PCSK2: variants seen among roughly 807,000 people sequenced by gnomAD.
The protein encoded by PCSK2 is proprotein convertase subtilisin/kexin type 2, also known as neuroendocrine convertase 2.
Under a neutral mutation model 69.7 loss-of-function variants are expected in PCSK2, and 14 were observed. That is an observed-to-expected ratio of 0.20 (90% CI 0.13 to 0.31). PCSK2 has a LOEUF of 0.31. PCSK2 is among the 10% of genes least tolerant of loss of function. PCSK2 has a pLI of 1.00. For missense variants in PCSK2, 544 were observed against 842.5 expected, an observed-to-expected ratio of 0.65 and a Z score of 4.39; for synonymous variants, 307 against 320.7, an observed-to-expected ratio of 0.96 and a Z score of 0.46.
intron 2 of PCSK2, among the ~76,000 whole-genome samples, chr20:17,276,424 T>C (rs1296638026): frequency 6.7e-6 from 1 of 149,032 alleles, no homozygotes; most frequent in East Asian, 2.0e-4. Context: ...CTATGGAAGA[T>C]GAGATTTAAC....
chr20:17,336,227 C>T (rs541779783), intron 2 of PCSK2, among the ~76,000 whole-genome samples: 4 of 152,150 alleles, frequency 2.6e-5, no homozygotes, highest in Admixed American at 6.5e-5. Flanking sequence ...AGCAGGGAAA[C>T]AGGTTGCTGC....
Position 17,244,205 on chromosome 20 carries a change from A to G in PCSK2, c.178-16035A>G, listed in dbSNP as rs190355264. ...TTAACAATTGGGGACTCTGGGTGAC[A>G]TGGCTATATGAGTTATTTTCACTAT... On this transcript the variant is annotated intron_variant, in intron 1 of 11. Coordinates refer to ENST00000262545, the MANE Select transcript of PCSK2 (RefSeq NM_002594.5). 2.6e-5 allele frequency among the ~76,000 whole-genome samples: 4 copies of G among 152,356 alleles called. No individual in the cohort carries two copies. The East Asian group carries it at 7.7e-4, about 29-fold the overall frequency.
intron 4 of PCSK2, among the ~76,000 whole-genome samples, chr20:17,364,891 T>C (rs928072407): frequency 3.9e-5 from 6 of 152,172 alleles, no homozygotes; most frequent in African/African-American, 1.2e-4. Flanking sequence ...TGGTTGTTGC[T>C]GGTTGCCACT....
chr20:17,471,979 G>A (rs886638206), intron 11 of PCSK2, among the ~76,000 whole-genome samples: 5 of 152,246 alleles, frequency 3.3e-5, no homozygotes, highest in African/African-American at 1.2e-4. Context: ...AATCTTCCCG[G>A]AGATGGAGTC....
chr20:17,458,869 A>C lies in PCSK2; in HGVS notation c.1202+2421A>C, dbSNP rs533173656. On this transcript the variant is annotated intron_variant, in intron 10 of 11. Transcript: ENST00000262545. The stretch of plus-strand genomic sequence containing the variant: ...ATTGCTCCCATCTCCCAGTATCACC[A>C]ATATCAGAGAAATTTCAAAGAATTT... Among the ~76,000 whole-genome samples the C allele has an allele frequency of 9.9e-5, 15 of 152,226 alleles. No homozygotes were observed. In the South Asian group the frequency reaches 3.1e-3, roughly 32 times the overall value.
chr20:17,371,134 A>C (rs1279628826), intron 5 of PCSK2, among the ~76,000 whole-genome samples: 1 of 152,166 alleles, frequency 6.6e-6, no homozygotes, highest in African/African-American at 2.4e-5. Context: ...GGTGGTACCC[A>C]TTGGGCTGGA....
At chr20:17,442,023 A>C (rs1021502981) in intron 8 of PCSK2, among the ~76,000 whole-genome samples, 1 of 151,378 alleles carries the variant, frequency 6.6e-6, no homozygotes, top group African/African-American at 2.4e-5. Flanking sequence ...AAGACAAAAA[A>C]AAAAAAAAAG....
chr20:17,311,210 T>G (rs1047386828), intron 2 of PCSK2, among the ~76,000 whole-genome samples: 1 of 152,042 alleles, frequency 6.6e-6, no homozygotes, highest in Non-Finnish European at 1.5e-5. Flanking sequence ...TAAGAAAAAA[T>G]GTTAGTTTCT....
intron 11 of PCSK2, among the ~76,000 whole-genome samples, chr20:17,472,781 G>T (rs1183803705): frequency 6.6e-6 from 1 of 152,116 alleles, no homozygotes; most frequent in Non-Finnish European, 1.5e-5. Flanking sequence ...TGGCCAGGCT[G>T]GTGTCGAGCT....
intron 2 of PCSK2, among the ~76,000 whole-genome samples, chr20:17,311,090 T>A (rs1240285606): frequency 6.6e-6 from 1 of 151,686 alleles, no homozygotes; most frequent in East Asian, 1.9e-4. Context: ...ATTAGAAAGA[T>A]CAACAACTAG....
At chr20:17,348,883 G>A (rs867533115) in intron 2 of PCSK2, among the ~76,000 whole-genome samples, 1 of 152,170 alleles carries the variant, frequency 6.6e-6, no homozygotes, top group Non-Finnish European at 1.5e-5. Flanking sequence ...GGTACTGGGG[G>A]TAAGGACTTC....
rs141883903 is a variant in PCSK2, at chr20:17,369,168, T to C, written c.506-72T>C. 5.9e-4 allele frequency: 827 copies of C among 1,390,232 alleles called. 7 individuals carry two copies. In the African/African-American group the frequency reaches 0.01, roughly 17 times the overall value. 86.1% of individuals were successfully genotyped at this position (1,390,232 alleles called of 1,614,324 possible). A position where few individuals can be genotyped will look rare whatever the true frequency, so the allele number is the denominator to read the frequency against. On this transcript the variant is annotated intron_variant, in intron 4 of 11. Transcript: ENST00000262545. The stretch of plus-strand genomic sequence containing the variant: ...CAGCCCCATAAAGAGGGCACTTTCT[T>C]GGGCAGCTTTCCTGAGGACACAGTG...
intron 10 of PCSK2, among the ~76,000 whole-genome samples, chr20:17,458,023 A>G (rs1245332499): frequency 6.6e-6 from 1 of 152,192 alleles, no homozygotes; most frequent in African/African-American, 2.4e-5. Context: ...CTTTTAGCAC[A>G]TACGTCCAGA....
intron 5 of PCSK2, among the ~76,000 whole-genome samples, chr20:17,377,660 A>G (rs2030965857): frequency 6.6e-6 from 1 of 152,254 alleles, no homozygotes; most frequent in Non-Finnish European, 1.5e-5. Context: ...GGCATTTTCA[A>G]TGTGCTCTTG....
rs2033084119 is a variant in PCSK2 at position 17,465,458 on chromosome 20, G to A, written c.1335G>A (p.Gly445=). The A allele has an allele frequency of 6.2e-7, 1 of 1,614,076 alleles. No homozygotes were observed. ...AATTTAATCACCTCTTTGGCTACGG[G>A]GTCCTTGATGCAGGTGCCATGGTGA... The part of the protein sequence containing the change: ...GLEFNHLFGY[G]VLDAGAMVKM... The change falls in exon 11 of 12, where the codon GGG becomes GGA. Residue 445 remains glycine (G), a synonymous_variant. Transcript: ENST00000262545.
intron 5 of PCSK2, among the ~76,000 whole-genome samples, chr20:17,402,354 G>T (rs898437706): frequency 2.6e-5 from 4 of 152,216 alleles, no homozygotes; most frequent in African/African-American, 9.6e-5. Flanking sequence ...GAGGGCCAAA[G>T]GATGGAGCTG....
chr20:17,479,070 A>G, intron 11 of PCSK2: 1 of 1,266,270 alleles, frequency 7.9e-7, no homozygotes, highest in Non-Finnish European at 1.2e-6. Context: ...GCTTTAACCC[A>G]ACATTTTTAG....
At chr20:17,349,901 G>A (rs532778868) in intron 2 of PCSK2, among the ~76,000 whole-genome samples, 59 of 152,204 alleles carry the variant, frequency 3.9e-4, no homozygotes, top group African/African-American at 1.4e-3. Context: ...GTTGGCCTGA[G>A]CACAGGGCTT....
intron 1 of PCSK2, among the ~76,000 whole-genome samples, chr20:17,231,881 C>T (rs1206022038): frequency 1.3e-5 from 2 of 152,092 alleles, no homozygotes; most frequent in Non-Finnish European, 2.9e-5. Flanking sequence ...TTCTTGCTGG[C>T]TGCTGGGCCA....
Sources: allele counts gnomAD v4.1 joint callset (sites outside exome capture counted in the v4.1 genomes callset), GRCh38; gene constraint gnomAD v4.1.1; transcripts MANE v1.5; gene names NCBI Gene and HGNC (gene_info 2026-07-23, HGNC 2026-07-21).